KANK1: variants seen among roughly 807,000 people sequenced by gnomAD.
The protein encoded by KANK1 is KN motif and ankyrin repeat domains 1, also known as KN motif and ankyrin repeat domain-containing protein 1.
In KANK1, 109 loss-of-function variants were observed where a neutral mutation model predicts 106.2. That is an observed-to-expected ratio of 1.03 (90% CI 0.88 to 1.20). The LOEUF (loss-of-function observed/expected upper bound fraction) is 1.20. Among genes scored for constraint, KANK1 ranks in the 50% most tolerant of loss-of-function variants. The pLI is 0.00. For synonymous variants in KANK1, 873 were observed against 652.2 expected (o/e 1.34, Z -5.16); for missense variants, 2,399 against 1,710.7 (o/e 1.40, Z -7.10).
intron 1 of KANK1, chr9:660,075 C>A (rs1377903331): frequency 7.1e-6 from 3 of 422,142 alleles, no homozygotes; most frequent in Admixed American, 4.8e-5. Context: ...AGGATTATAT[C>A]CATATAAGAA....
intron 1 of KANK1, among the ~76,000 whole-genome samples, chr9:545,075 C>T (rs1018511462): frequency 2.0e-5 from 3 of 151,942 alleles, no homozygotes; most frequent in African/African-American, 4.8e-5. Context: ...AGGAGAATCT[C>T]TGTGAGTTGA....
chr9:679,423 A>T (rs533146050), intron 2 of KANK1, among the ~76,000 whole-genome samples: 17 of 149,184 alleles, frequency 1.1e-4, no homozygotes, highest in African/African-American at 3.2e-4. Context: ...GAAAAAAAAA[A>T]TTTTTTTTTG....
chr9:486,658 T>G lies in KANK1; in HGVS notation c.-362+13385T>G, dbSNP rs1360670217. Among the ~76,000 whole-genome samples, 4 of 152,310 alleles carry G rather than the reference T, an allele frequency of 2.6e-5. No homozygotes were observed. The East Asian group carries it at 7.7e-4, about 29-fold the overall frequency. On this transcript the variant is annotated intron_variant, in intron 3 of 15. Coordinates refer to the KANK1 transcript ENST00000382303. ...TTTATAAATAAAAATTAATCTAACA[T>G]AAGCTTTTAATCAGTGTTCCAGTGG...
At chr9:655,389 A>T (rs959992359) in intron 1 of KANK1, among the ~76,000 whole-genome samples, 15 of 87,322 alleles carry the variant, frequency 1.7e-4, no homozygotes, top group Non-Finnish European at 3.3e-4. Context: ...AAAAAAAAAA[A>T]AATCCAAGAT....
At chr9:682,888 T>C (rs956688692) in intron 2 of KANK1, among the ~76,000 whole-genome samples, 1 of 152,222 alleles carries the variant, frequency 6.6e-6, no homozygotes, top group African/African-American at 2.4e-5. Context: ...GTAGGCAGAA[T>C]GCTGCAGTGC....
Position 662,665 on chromosome 9 carries a change from AT to A in KANK1, c.-83-14211del, listed in dbSNP as rs34481151. Among the ~76,000 whole-genome samples, 17 of 141,756 alleles carry A rather than the reference AT, an allele frequency of 1.2e-4. 1 individual carries two copies. Among genetic ancestry groups the A allele is most frequent in the South Asian group, 2.2e-4 (1 of 4,494 alleles). The allele number at this position is 141,756 out of a possible 152,430, so 93.0% of individuals were successfully genotyped here. A position where few individuals can be genotyped will look rare whatever the true frequency, so the allele number is the denominator to read the frequency against. On this transcript the variant is annotated intron_variant, in intron 1 of 11. Transcript: ENST00000382297. ...TTCCTTACACCTTATACAAAAGTTAATTTTTTTTTTTTTTGAGACAGGGTCT... is the reference window on the plus strand; with the variant it reads ...TTCCTTACACCTTATACAAAAGTTAATTTTTTTTTTTTTGAGACAGGGTCT...
intron 1 of KANK1, among the ~76,000 whole-genome samples, chr9:625,107 C>T (rs1263642162): frequency 6.6e-6 from 1 of 152,186 alleles, no homozygotes; most frequent in South Asian, 2.1e-4. Context: ...CCGTTAGCGT[C>T]CTGGGCAAAC....
intron 3 of KANK1, among the ~76,000 whole-genome samples, chr9:488,427 C>T (rs2058328644): frequency 6.6e-6 from 1 of 152,158 alleles, no homozygotes; most frequent in Non-Finnish European, 1.5e-5. Flanking sequence ...GAAAAGAAGA[C>T]AAGAAACAAG....
At chr9:732,982 A>G (rs1832732217) in intron 6 of KANK1, 2 of 179,592 alleles carry the variant, frequency 1.1e-5, no homozygotes, top group African/African-American at 4.7e-5. Flanking sequence ...ATGTTTAGCC[A>G]TTTATCTTGA....
upstream of KANK1, among the ~76,000 whole-genome samples, chr9:500,868 G>A (rs1170895906): frequency 1.3e-5 from 2 of 152,140 alleles, no homozygotes; most frequent in Non-Finnish European, 2.9e-5. Flanking sequence ...AAAGCAACAG[G>A]GGAACCTTCA....
At chr9:556,865 C>T (rs2061621359) in intron 1 of KANK1, among the ~76,000 whole-genome samples, 1 of 152,078 alleles carries the variant, frequency 6.6e-6, no homozygotes, top group Non-Finnish European at 1.5e-5. Context: ...TGCCTTAGTC[C>T]CAGTATGGTC....
intron 1 of KANK1, among the ~76,000 whole-genome samples, chr9:544,617 C>T (rs553893020): frequency 2.3e-4 from 35 of 152,146 alleles, no homozygotes; most frequent in African/African-American, 7.7e-4. Context: ...GCAGAGTAAG[C>T]GCTCTGATAG....
intron 3 of KANK1, among the ~76,000 whole-genome samples, chr9:479,280 C>T (rs2058162200): frequency 6.6e-6 from 1 of 152,158 alleles, no homozygotes; most frequent in Admixed American, 6.5e-5. Flanking sequence ...ATCATAAAGC[C>T]AATTCCAACT....
chr9:506,754 C>G (rs1373943085), intron 1 of KANK1, among the ~76,000 whole-genome samples: 1 of 152,132 alleles, frequency 6.6e-6, no homozygotes, highest in Non-Finnish European at 1.5e-5. Flanking sequence ...CATACATTAA[C>G]TTTTTATCCC....
intron 1 of KANK1, among the ~76,000 whole-genome samples, chr9:555,599 C>T (rs1377772435): frequency 2.0e-5 from 3 of 152,160 alleles, no homozygotes; most frequent in Non-Finnish European, 2.9e-5. Context: ...CTTGCAGTGA[C>T]TGAGAATTAG....
chr9:730,322 A>C, intron 4 of KANK1, 74 bp downstream of exon 4: 1 of 1,387,702 alleles, frequency 7.2e-7, no homozygotes, highest in East Asian at 2.3e-5. Context: ...ATTTAATGTC[A>C]ATGTACCTTT....
intron 1 of KANK1, among the ~76,000 whole-genome samples, chr9:553,244 C>G (rs2061384423): frequency 6.6e-6 from 1 of 152,110 alleles, no homozygotes; most frequent in African/African-American, 2.4e-5. Flanking sequence ...CAACCTCTAC[C>G]TTCCAGGGAC....
At chr9:523,711 C>T (rs556102469) in intron 1 of KANK1, among the ~76,000 whole-genome samples, 30 of 151,786 alleles carry the variant, frequency 2.0e-4, no homozygotes, top group African/African-American at 7.1e-4. Flanking sequence ...GTCCTCACCT[C>T]AGTGAGGTCC....
intron 3 of KANK1, chr9:484,338 G>GA (rs1297012756): frequency 1.3e-5 from 2 of 152,202 alleles, no homozygotes; most frequent in Non-Finnish European, 2.9e-5. Flanking sequence ...GTAAAACACG[G>GA]AAAAAATTAT....
Sources: gnomAD v4.1 joint callset for allele counts (sites outside exome capture counted in the v4.1 genomes callset) on GRCh38, gnomAD v4.1.1 for gene constraint, MANE v1.5 for transcripts, NCBI Gene and HGNC (gene_info 2026-07-23, HGNC 2026-07-21) for gene names.